Variants in SDHAF4 observed in about 807,000 individuals in gnomAD.
SDHAF4 encodes the protein succinate dehydrogenase complex assembly factor 4.
In SDHAF4, 14 loss-of-function variants were observed where a neutral mutation model predicts 14.3. The ratio of observed to expected loss-of-function variants is 0.98; its 90% CI spans 0.65 to 1.53. The LOEUF (loss-of-function observed/expected upper bound fraction) is 1.53, where lower values mean the gene tolerates loss of function less well. Ranked by LOEUF, SDHAF4 falls within the 40% of genes most tolerant of loss-of-function variation. The pLI, the probability that SDHAF4 is intolerant of heterozygous loss-of-function variation, is 0.00. For synonymous variants in SDHAF4, 63 were observed against 47.3 expected (o/e 1.33, Z -1.36); for missense variants, 141 against 129.3 (o/e 1.09, Z -0.44).
intron 1 of SDHAF4, 82 bp downstream of exon 1, chr6:70,567,086 A>AGCC (rs1802107131): frequency 4.4e-6 from 6 of 1,363,902 alleles, no homozygotes; most frequent in African/African-American, 1.4e-5. Context: ...CCGCGGAGGA[A>AGCC]GCCGCGTGTG....
intron 1 of SDHAF4, among the ~76,000 whole-genome samples, chr6:70,576,706 A>G (rs911639241): frequency 6.6e-6 from 1 of 152,248 alleles, no homozygotes; most frequent in Non-Finnish European, 1.5e-5. Flanking sequence ...AAAAGCTTAC[A>G]GATAATTCCA....
chr6:70,568,037 A>G lies in SDHAF4; in HGVS notation c.64+1033A>G, dbSNP rs1191196317. 3.3e-5 allele frequency among the ~76,000 whole-genome samples: 5 copies of G among 152,270 alleles called. No individual in the cohort carries two copies. In the South Asian group the frequency reaches 6.2e-4, roughly 19 times the overall value. ...CCTGGAGAAGTTATGTAAGTTGAAA[A>G]CAGTAATTATTGCCCTCAAATGGTG... On this transcript the variant is annotated intron_variant, in intron 1 of 2. Transcript: ENST00000370474.
At chr6:70,574,360 G>A (rs571452676) in intron 1 of SDHAF4, among the ~76,000 whole-genome samples, 20 of 151,800 alleles carry the variant, frequency 1.3e-4, no homozygotes, top group African/African-American at 4.6e-4. Context: ...GGGATTTTTG[G>A]AAGATGCAGC....
At chr6:70,590,096 G>A (rs560708041), downstream of SDHAF4, among the ~76,000 whole-genome samples, 89 of 152,272 alleles carry the variant, frequency 5.8e-4, 1 homozygote, top group Non-Finnish European at 9.6e-4. Flanking sequence ...AAACTAGCTG[G>A]GCGTGGTGGT....
downstream of SDHAF4, among the ~76,000 whole-genome samples, chr6:70,593,934 A>T (rs1372347125): frequency 6.6e-6 from 1 of 152,062 alleles, no homozygotes; most frequent in African/African-American, 2.4e-5. Flanking sequence ...ACCTCAAGGG[A>T]TCCTCCCACC....
At chr6:70,581,210 G>A (rs932795944) in intron 2 of SDHAF4, among the ~76,000 whole-genome samples, 8 of 151,774 alleles carry the variant, frequency 5.3e-5, no homozygotes, top group African/African-American at 1.2e-4. Context: ...GATTACAGGC[G>A]TGAGCCACTG....
At chr6:70,573,185 G>A (rs1374417061) in intron 1 of SDHAF4, among the ~76,000 whole-genome samples, 2 of 148,074 alleles carry the variant, frequency 1.4e-5, no homozygotes, top group Non-Finnish European at 1.5e-5. Context: ...GTCTCTATGC[G>A]TTTTTCTGTA....
At chr6:70,573,648 TTTTTC>T (rs752249033) in intron 1 of SDHAF4, among the ~76,000 whole-genome samples, 93 of 151,732 alleles carry the variant, frequency 6.1e-4, no homozygotes, top group Admixed American at 2.3e-3. Flanking sequence ...CTAATTTTTC[TTTTTC>T]TTTTCTTTTC....
intron 1 of SDHAF4, among the ~76,000 whole-genome samples, chr6:70,570,851 C>T (rs2128533567): frequency 6.6e-6 from 1 of 152,104 alleles, no homozygotes; most frequent in East Asian, 1.9e-4. Context: ...AGAGTTCTAG[C>T]TATCTCCCAA....
At chr6:70,590,237 CAA>C (rs56245449), downstream of SDHAF4, among the ~76,000 whole-genome samples, 9 of 149,754 alleles carry the variant, frequency 6.0e-5, no homozygotes, top group South Asian at 2.1e-4. Context: ...GACCCTGTCT[CAA>C]AAAAAAAAAT....
the SDHAF4 span, chr6:70,596,374 A>G: frequency 1.3e-5 from 2 of 152,230 alleles, no homozygotes; most frequent in African/African-American, 4.8e-5. Flanking sequence ...TCTTAGAAAC[A>G]TGCTACTGTC....
At chr6:70,581,391 T>C (rs1802320653) in intron 2 of SDHAF4, among the ~76,000 whole-genome samples, 1 of 152,158 alleles carries the variant, frequency 6.6e-6, no homozygotes, top group African/African-American at 2.4e-5. Context: ...TCAACGTAAG[T>C]CTTGTATCAC....
intron 1 of SDHAF4, among the ~76,000 whole-genome samples, chr6:70,577,053 C>G (rs1180078085): frequency 2.0e-5 from 3 of 152,206 alleles, no homozygotes; most frequent in African/African-American, 7.2e-5. Flanking sequence ...CTTCTAGAGG[C>G]TGCCCACATT....
intron 1 of SDHAF4, among the ~76,000 whole-genome samples, chr6:70,576,997 G>A (rs565855324): frequency 1.7e-4 from 26 of 152,296 alleles, no homozygotes; most frequent in Admixed American, 5.2e-4. Flanking sequence ...AGTTAGCAGG[G>A]CTGTGTTCCT....
chr6:70,597,177 A>G, the SDHAF4 span, among the ~76,000 whole-genome samples: 1 of 152,066 alleles, frequency 6.6e-6, no homozygotes, highest in African/African-American at 2.4e-5. Context: ...TCTGTCACCC[A>G]GGCTGAAGTG....
intron 1 of SDHAF4, among the ~76,000 whole-genome samples, chr6:70,572,506 A>G (rs1802196879): frequency 6.6e-6 from 1 of 152,196 alleles, no homozygotes; most frequent in South Asian, 2.1e-4. Context: ...CAATATATAC[A>G]TATTTGAAAA....
chr6:70,589,341 T>A lies in SDHAF4; in HGVS notation c.*617T>A, dbSNP rs1019116620. 6.6e-6 allele frequency: 1 copy of A among 151,880 alleles called. No individual in the cohort carries two copies. 9.4% of individuals were successfully genotyped at this position (151,880 alleles called of 1,614,324 possible). A position where few individuals can be genotyped will look rare whatever the true frequency, so the allele number is the denominator to read the frequency against. ...CCATTGCGCCTGGCTAATTTTTGTATTTTTAGTAAAGACAAGGTTTCACCA... is the reference window on the plus strand; with the variant it reads ...CCATTGCGCCTGGCTAATTTTTGTAATTTTAGTAAAGACAAGGTTTCACCA... On this transcript the variant is annotated 3_prime_UTR_variant, in exon 3 of 3. Transcript: ENST00000370474.
rs367769212 is a variant in SDHAF4, at chr6:70,579,585, C to T, written c.217+19C>T. ...CTGGAAAGTAAGTATAATAAAGCAC[C>T]TCTCAGTTTTTGAAGTATCAAGGAA... is the stretch of plus-strand genomic sequence containing the variant. On this transcript the variant is annotated intron_variant, in intron 2 of 2. Coordinates refer to ENST00000370474, the MANE Select transcript of SDHAF4 (RefSeq NM_145267.3). 41 of 1,550,708 alleles carry T rather than the reference C, an allele frequency of 2.6e-5. No homozygotes were observed. The highest frequency in any genetic ancestry group is 3.1e-5 in the Non-Finnish European group (36 of 1,149,470).
intron 1 of SDHAF4, among the ~76,000 whole-genome samples, chr6:70,578,932 C>T (rs569666764): frequency 4.6e-5 from 7 of 152,218 alleles, no homozygotes; most frequent in Non-Finnish European, 7.3e-5. Context: ...CCTCCCTCTT[C>T]AGCCTCCTGC....
Sources: allele counts gnomAD v4.1 joint callset (sites outside exome capture counted in the v4.1 genomes callset), GRCh38; gene constraint gnomAD v4.1.1; transcripts MANE v1.5; gene names NCBI Gene and HGNC (gene_info 2026-07-23, HGNC 2026-07-21).